PDS5A: variants seen among roughly 807,000 people sequenced by gnomAD.
The protein encoded by PDS5A is sister chromatid cohesion protein PDS5 homolog A.
Under a neutral mutation model 167.1 loss-of-function variants are expected in PDS5A, and 42 were observed. The ratio of observed to expected loss-of-function variants is 0.25; its 90% CI spans 0.20 to 0.33. The LOEUF is 0.33. PDS5A is among the 10% of genes least tolerant of loss of function. The probability of loss-of-function intolerance (pLI) is 1.00; values close to 1 mark genes in which losing one functional copy is unlikely to be tolerated. For missense variants in PDS5A, 1,033 were observed against 1,605.9 expected (o/e 0.64, Z 6.10); for synonymous variants, 553 against 554.6 (o/e 1.00, Z 0.04).
intron 23 of PDS5A, 88 bp downstream of exon 23, chr4:39,866,773 C>T: frequency 9.0e-7 from 1 of 1,111,570 alleles, no homozygotes; most frequent in Non-Finnish European, 1.3e-6. Flanking sequence ...GTAATTACAC[C>T]ATTCAGTATT....
Position 39,838,124 on chromosome 4 carries a change from T to C in PDS5A, c.3742A>G (p.Asn1248Asp). The C allele has an allele frequency of 3.7e-6, 6 of 1,613,956 alleles. No homozygotes were observed. Among genetic ancestry groups the C allele is most frequent in the Non-Finnish European group, 5.1e-6 (6 of 1,179,866 alleles). ...KRTVTAAGAE[N>D]IQQKTDEKVD... is the part of the protein sequence containing the mutation. ...TTCTCATCTGTTTTTTGTTGGATATTCTCTGCACCAGCTGCTGTTACTGTT... is the reference window on the plus strand; with the variant it reads ...TTCTCATCTGTTTTTTGTTGGATATCCTCTGCACCAGCTGCTGTTACTGTT... Residue 1248 changes from asparagine (N) to aspartate (D), a missense_variant, in exon 32 of 33, where the codon AAT (asparagine) becomes GAT (aspartate). By Grantham distance (23) the Asn-to-Asp change is conservative. Transcript: ENST00000303538.
chr4:39,947,332 G>C (rs1351355897), intron 2 of PDS5A, among the ~76,000 whole-genome samples: 2 of 152,000 alleles, frequency 1.3e-5, no homozygotes, highest in African/African-American at 4.8e-5. Context: ...GCATGTGCCT[G>C]TACTCCCAGC....
At chr4:39,890,686 G>A (rs1451856059) in intron 16 of PDS5A, among the ~76,000 whole-genome samples, 4 of 151,890 alleles carry the variant, frequency 2.6e-5, no homozygotes, top group African/African-American at 7.3e-5. Context: ...GCACGATCTC[G>A]GCTCACTGCA....
At chr4:39,830,674 C>T (rs987548383) in intron 32 of PDS5A, among the ~76,000 whole-genome samples, 3 of 152,206 alleles carry the variant, frequency 2.0e-5, no homozygotes, top group African/African-American at 7.2e-5. Flanking sequence ...ATCTGCCCAC[C>T]TAGGCTTCCC....
intron 21 of PDS5A, among the ~76,000 whole-genome samples, chr4:39,870,720 G>A (rs1304406999): frequency 5.3e-5 from 8 of 152,016 alleles, no homozygotes; most frequent in Non-Finnish European, 7.4e-5. Flanking sequence ...TCATTCATCA[G>A]GAAAATGCAA....
intron 26 of PDS5A, among the ~76,000 whole-genome samples, chr4:39,855,285 A>G (rs114587473): frequency 6.6e-6 from 1 of 152,316 alleles, no homozygotes; most frequent in African/African-American, 2.4e-5. Context: ...TACACAAAAC[A>G]AGGAATACAG....
At chr4:39,897,306 A>G (rs1722499660) in intron 16 of PDS5A, among the ~76,000 whole-genome samples, 1 of 152,088 alleles carries the variant, frequency 6.6e-6, no homozygotes, top group African/African-American at 2.4e-5. Context: ...GAGGCACAAG[A>G]ATCGTCTGAA....
chr4:39,967,804 C>T (rs1183717294), intron 2 of PDS5A, among the ~76,000 whole-genome samples: 1 of 151,296 alleles, frequency 6.6e-6, no homozygotes, highest in Non-Finnish European at 1.5e-5. Context: ...ACTAAAAATA[C>T]AAAAATTAGC....
intron 2 of PDS5A, among the ~76,000 whole-genome samples, chr4:39,930,364 AT>A (rs1725950450): frequency 7.0e-6 from 1 of 143,586 alleles, no homozygotes; most frequent in Non-Finnish European, 1.5e-5. Flanking sequence ...AAGTGTTGGG[AT>A]TACAGGCATA....
chr4:39,879,699 A>T, intron 18 of PDS5A, 29 bp downstream of exon 18: 1 of 1,355,902 alleles, frequency 7.4e-7, no homozygotes, highest in Non-Finnish European at 1.1e-6. Flanking sequence ...CCACGGAAAT[A>T]CATGGCAACA....
intron 13 of PDS5A, among the ~76,000 whole-genome samples, chr4:39,901,840 T>TA (rs138025259): frequency 1.9e-4 from 28 of 150,694 alleles, no homozygotes; most frequent in Middle Eastern, 3.4e-3. Context: ...ACATTTACTT[T>TA]AAAAAAAAAA....
At position 39,849,618 on chromosome 4, in the gene PDS5A, T is replaced by C; in HGVS notation, c.3121A>G (p.Lys1041Glu). 2.5e-6 allele frequency: 4 copies of C among 1,610,906 alleles called. No homozygotes were observed. Among genetic ancestry groups the C allele is most frequent in the Non-Finnish European group, 3.4e-6 (4 of 1,177,268 alleles). The change falls in exon 27 of 33, where the codon AAG (lysine) becomes GAG (glutamate). Residue 1041 changes from lysine to glutamate, a missense_variant. Lys to Glu is a moderately conservative substitution (Grantham distance 56). Coordinates refer to ENST00000303538, the MANE Select transcript of PDS5A (RefSeq NM_001100399.2). ...AAGGCATGGCTATTGTTTTCATTCT[T>C]TGTCATTAAAACTTCAAGCATGAAC... ...LWFMLEVLMT[K>E]NENNSHAFMK...
chr4:39,943,394 G>C (rs1463898838), intron 2 of PDS5A, among the ~76,000 whole-genome samples: 1 of 151,874 alleles, frequency 6.6e-6, no homozygotes, highest in Non-Finnish European at 1.5e-5. Flanking sequence ...AATAAGACAA[G>C]GTTATTATTT....
intron 32 of PDS5A, among the ~76,000 whole-genome samples, chr4:39,834,355 G>A (rs1716198960): frequency 6.6e-6 from 1 of 152,158 alleles, no homozygotes; most frequent in African/African-American, 2.4e-5. Flanking sequence ...TGCTTATTAT[G>A]AGTGTTTGGA....
chr4:39,838,950 T>C (rs796174690), intron 31 of PDS5A, among the ~76,000 whole-genome samples: 5 of 151,852 alleles, frequency 3.3e-5, no homozygotes, highest in African/African-American at 1.2e-4. Flanking sequence ...ATTGCACCAT[T>C]GTACTCCAGC....
At chr4:39,948,312 C>CTTTTT (rs552182165) in intron 2 of PDS5A, among the ~76,000 whole-genome samples, 8 of 80,926 alleles carry the variant, frequency 9.9e-5, no homozygotes, top group African/African-American at 2.1e-4. Context: ...TGAATCAAAC[C>CTTTTT]TTTTTTTTTT....
At chr4:39,964,674 T>C (rs1303587024) in intron 2 of PDS5A, among the ~76,000 whole-genome samples, 1 of 149,836 alleles carries the variant, frequency 6.7e-6, no homozygotes. Flanking sequence ...CAGCCTGGGC[T>C]ATAGAGCAAG....
At chr4:39,867,772 A>ACC (rs1553892690) in intron 22 of PDS5A, among the ~76,000 whole-genome samples, 147 of 90,658 alleles carry the variant, frequency 1.6e-3, no homozygotes, top group South Asian at 0.012. Context: ...ACACACACAC[A>ACC]CACCCCACAA....
At chr4:39,882,405 CTA>C (rs1180159722) in intron 17 of PDS5A, among the ~76,000 whole-genome samples, 4 of 152,148 alleles carry the variant, frequency 2.6e-5, no homozygotes, top group African/African-American at 4.8e-5. Context: ...TTTGCCTATC[CTA>C]TATGTTTTCT....
Sources: allele counts gnomAD v4.1 joint callset (sites outside exome capture counted in the v4.1 genomes callset), GRCh38; gene constraint gnomAD v4.1.1; transcripts MANE v1.5; gene names NCBI Gene and HGNC (gene_info 2026-07-23, HGNC 2026-07-21).